Variants in ELMO1 observed in about 807,000 individuals in gnomAD.
ELMO1 encodes the protein engulfment and cell motility protein 1.
A neutral mutation model predicts 98.9 loss-of-function variants in ELMO1; 26 were observed. That is an observed-to-expected ratio of 0.26 (90% CI 0.19 to 0.36). The LOEUF (loss-of-function observed/expected upper bound fraction) is 0.36. ELMO1 is among the 10% of genes least tolerant of loss of function. ELMO1 has a pLI of 1.00. For missense variants in ELMO1, 627 were observed against 935.2 expected, an observed-to-expected ratio of 0.67 and a Z score of 4.30; for synonymous variants, 346 against 346.0, an observed-to-expected ratio of 1.00 and a Z score of 0.00.
chr7:37,261,478 G>A (rs761319275), intron 5 of ELMO1, among the ~76,000 whole-genome samples: 3 of 152,190 alleles, frequency 2.0e-5, no homozygotes, highest in Non-Finnish European at 4.4e-5. Flanking sequence ...AAAGTTTTGT[G>A]TTTAACAAGC....
intron 13 of ELMO1, among the ~76,000 whole-genome samples, chr7:37,204,876 C>T (rs972511483): frequency 1.3e-5 from 2 of 152,214 alleles, no homozygotes; most frequent in African/African-American, 4.8e-5. Context: ...TTTAGCTAGA[C>T]ACAGAGTGCT....
chr7:37,310,285 G>C (rs1798824223), intron 4 of ELMO1, among the ~76,000 whole-genome samples: 1 of 152,176 alleles, frequency 6.6e-6, no homozygotes, highest in South Asian at 2.1e-4. Flanking sequence ...GTATCATCCT[G>C]CAATCATAAT....
At chr7:37,320,872 G>GCACGTTT (rs1197371219) in intron 2 of ELMO1, among the ~76,000 whole-genome samples, 3 of 152,144 alleles carry the variant, frequency 2.0e-5, no homozygotes, top group Non-Finnish European at 2.9e-5. Flanking sequence ...GGATTAACCA[G>GCACGTTT]CACGTTTCCC....
intron 17 of ELMO1, among the ~76,000 whole-genome samples, chr7:36,893,040 C>T (rs1805693878): frequency 6.6e-6 from 1 of 152,200 alleles, no homozygotes; most frequent in Non-Finnish European, 1.5e-5. Flanking sequence ...AATGTTCGTA[C>T]TTGCCATGAA....
At chr7:37,171,800 C>G (rs1790188510) in intron 13 of ELMO1, among the ~76,000 whole-genome samples, 1 of 152,068 alleles carries the variant, frequency 6.6e-6, no homozygotes, top group South Asian at 2.1e-4. Context: ...CCGCCTTTCT[C>G]TTCTAATACA....
chr7:37,448,821 T>TGG lies in ELMO1; in HGVS notation c.-221_-220insCC, dbSNP rs1301133448. 2.0e-5 allele frequency: 3 copies of TGG among 152,978 alleles called. No homozygotes were observed. Among genetic ancestry groups the TGG allele is most frequent in the Non-Finnish European group, 2.9e-5 (2 of 68,742 alleles). The allele number at this position is 152,978 out of a possible 1,614,324, so 9.5% of individuals were successfully genotyped here. ...TGGCTCTGCCTCTATCCTGTGCCCA[T>TGG]CCTCGCCCGCTCCCGCTCGCCCCAG... On this transcript the variant is annotated 5_prime_UTR_variant, in exon 1 of 22. Transcript: ENST00000310758.
At chr7:37,040,673 G>C (rs1795453932) in intron 15 of ELMO1, among the ~76,000 whole-genome samples, 1 of 152,178 alleles carries the variant, frequency 6.6e-6, no homozygotes, top group Non-Finnish European at 1.5e-5. Context: ...TTCTCCATCA[G>C]TGAAGGAGGA....
intron 13 of ELMO1, among the ~76,000 whole-genome samples, chr7:37,179,946 A>T (rs1790740629): frequency 6.6e-6 from 1 of 152,240 alleles, no homozygotes; most frequent in Non-Finnish European, 1.5e-5. Flanking sequence ...ATGCCATAGA[A>T]GACTGACTTA....
chr7:36,897,696 G>A (rs183356685), intron 16 of ELMO1, among the ~76,000 whole-genome samples: 1 of 152,250 alleles, frequency 6.6e-6, no homozygotes, highest in Admixed American at 6.5e-5. Context: ...ATGGAATGTG[G>A]GGAACTCTTT....
At chr7:37,281,868 A>G (rs1184627387) in intron 4 of ELMO1, among the ~76,000 whole-genome samples, 1 of 152,180 alleles carries the variant, frequency 6.6e-6, no homozygotes, top group Non-Finnish European at 1.5e-5. Flanking sequence ...ACTGCACACA[A>G]TGTACGAGGA....
At chr7:37,313,736 C>G (rs955984576) in intron 4 of ELMO1, among the ~76,000 whole-genome samples, 16 of 152,070 alleles carry the variant, frequency 1.1e-4, no homozygotes, top group African/African-American at 3.9e-4. Flanking sequence ...GAAGTAGAAC[C>G]CTTGTTACTG....
At chr7:36,909,673 C>G (rs1784211296) in intron 16 of ELMO1, among the ~76,000 whole-genome samples, 1 of 152,176 alleles carries the variant, frequency 6.6e-6, no homozygotes, top group Admixed American at 6.5e-5. Context: ...GAAAATGTTA[C>G]AAAGTATTTT....
intron 20 of ELMO1, among the ~76,000 whole-genome samples, chr7:36,867,080 TG>T (rs1302975961): frequency 2.0e-5 from 3 of 152,168 alleles, no homozygotes; most frequent in Non-Finnish European, 4.4e-5. Flanking sequence ...CATGGCAGAC[TG>T]GAAGAGCCCA....
chr7:37,188,532 G>T (rs1205956445), intron 13 of ELMO1, among the ~76,000 whole-genome samples: 1 of 111,898 alleles, frequency 8.9e-6, no homozygotes, highest in Non-Finnish European at 2.0e-5. Context: ...TAATAACTAA[G>T]AGCAAGAGAA....
chr7:36,933,341 C>T (rs942214246), intron 16 of ELMO1, among the ~76,000 whole-genome samples: 2 of 152,156 alleles, frequency 1.3e-5, no homozygotes, highest in Admixed American at 6.5e-5. Flanking sequence ...AAGAACTAGT[C>T]GCTTTATCTA....
intron 13 of ELMO1, among the ~76,000 whole-genome samples, chr7:37,161,998 C>T (rs1247315458): frequency 8.6e-6 from 1 of 115,956 alleles, no homozygotes; most frequent in Admixed American, 9.5e-5. Context: ...TAGGTCAACA[C>T]AAAAAAAAAG....
chr7:37,194,708 A>C (rs1791857441), intron 13 of ELMO1, among the ~76,000 whole-genome samples: 2 of 151,904 alleles, frequency 1.3e-5, no homozygotes, highest in Admixed American at 6.6e-5. Flanking sequence ...TCCCCAGCTC[A>C]CTCATGTCCA....
intron 1 of ELMO1, among the ~76,000 whole-genome samples, chr7:37,395,364 T>A (rs537073196): frequency 7.0e-5 from 5 of 71,686 alleles, no homozygotes; most frequent in South Asian, 5.5e-4. Flanking sequence ...TGAAACTCCA[T>A]CTCAAAAAAA....
intron 1 of ELMO1, among the ~76,000 whole-genome samples, chr7:37,346,628 C>T (rs1801023164): frequency 6.6e-6 from 1 of 152,154 alleles, no homozygotes; most frequent in South Asian, 2.1e-4. Flanking sequence ...AATTACATAT[C>T]CTAGCATAAG....
Sources: allele counts gnomAD v4.1 joint callset (sites outside exome capture counted in the v4.1 genomes callset), GRCh38; gene constraint gnomAD v4.1.1; transcripts MANE v1.5; gene names NCBI Gene and HGNC (gene_info 2026-07-23, HGNC 2026-07-21).